The following DMD variants were observed in gnomAD, a reference collection of about 807,000 sequenced individuals.
DMD encodes the protein dystrophin, also known as mutant dystrophin.
Under a neutral mutation model 330.1 loss-of-function variants are expected in DMD, and 63 were observed. The observed-to-expected ratio is 0.19, with a 90% CI of 0.16 to 0.24. The LOEUF (loss-of-function observed/expected upper bound fraction) is 0.24. Ranked by LOEUF, DMD falls within the 10% of genes least tolerant of loss-of-function variation. The pLI, the probability that DMD is intolerant of heterozygous loss-of-function variation, is 1.00. For synonymous variants in DMD, 1,223 were observed against 959.8 expected (o/e 1.27, Z -5.07); for missense variants, 3,344 against 2,684.1 (o/e 1.25, Z -5.43).
At chrX:32,583,091 G>A (rs2053837483) in intron 13 of DMD, among the ~76,000 whole-genome samples, 1 of 111,969 alleles carries the variant, frequency 8.9e-6, no homozygotes, top group Admixed American at 9.5e-5. Flanking sequence ...TCTTTCAGTA[G>A]AAATGATTTC....
intron 5 of DMD, among the ~76,000 whole-genome samples, chrX:32,817,385 C>T (rs1281568855): frequency 1.8e-5 from 2 of 111,913 alleles, no homozygotes; most frequent in Admixed American, 9.5e-5. Context: ...TCATAGGCTT[C>T]GTGCATGTGC....
chrX:31,315,508 G>A (rs138922202), intron 62 of DMD, among the ~76,000 whole-genome samples: 1,196 of 112,331 alleles, frequency 0.011, 7 homozygotes, highest in South Asian at 0.025. Context: ...ATGTAAGAAA[G>A]TGCATGTTTA....
chrX:31,316,524 G>T (rs529283655), intron 62 of DMD, among the ~76,000 whole-genome samples: 1 of 111,507 alleles, frequency 9.0e-6, no homozygotes, highest in Middle Eastern at 4.7e-3. Flanking sequence ...ATGAGACACA[G>T]ATGATATCAA....
chrX:33,029,497 G>T (rs750446285), intron 1 of DMD, among the ~76,000 whole-genome samples: 1 of 111,565 alleles, frequency 9.0e-6, no homozygotes, highest in African/African-American at 3.3e-5. Flanking sequence ...TCTCAGGTAG[G>T]TCAATTGCTT....
chrX:33,174,933 G>A (rs930369823), intron 1 of DMD, among the ~76,000 whole-genome samples: 1 of 112,010 alleles, frequency 8.9e-6, no homozygotes, highest in African/African-American at 3.2e-5. Context: ...TAACGTATGA[G>A]TGTAGATGTC....
intron 7 of DMD, among the ~76,000 whole-genome samples, chrX:32,717,194 G>C (rs928760707): frequency 5.4e-5 from 6 of 111,430 alleles, no homozygotes; most frequent in African/African-American, 2.0e-4. Context: ...ATGCCCAAAG[G>C]CATTTCAGAA....
chrX:31,226,232 T>A (rs753597322), intron 63 of DMD, among the ~76,000 whole-genome samples: 4 of 112,115 alleles, frequency 3.6e-5, no homozygotes, highest in Non-Finnish European at 7.5e-5. Context: ...TTTAATAAAG[T>A]TTCTTGTTCC....
intron 55 of DMD, among the ~76,000 whole-genome samples, chrX:31,574,304 C>T (rs1426917382): frequency 2.8e-5 from 3 of 108,433 alleles, no homozygotes; most frequent in Non-Finnish European, 5.7e-5. Flanking sequence ...CCACAACACC[C>T]GGCTGATTTT....
intron 44 of DMD, among the ~76,000 whole-genome samples, chrX:32,065,898 A>G (rs138552961): frequency 0.032 from 3,592 of 111,633 alleles, 65 homozygotes; most frequent in Non-Finnish European, 0.046. Flanking sequence ...CATGTTTTCA[A>G]TAACAAATTT....
chrX:32,462,516 G>A (rs958978694), intron 25 of DMD, among the ~76,000 whole-genome samples: 2 of 110,440 alleles, frequency 1.8e-5, no homozygotes, highest in Non-Finnish European at 1.9e-5. Context: ...ATCCGTAATT[G>A]AATATTTAAA....
chrX:32,627,631 C>A (rs1472330976), intron 11 of DMD, among the ~76,000 whole-genome samples: 2 of 110,529 alleles, frequency 1.8e-5, no homozygotes, highest in Middle Eastern at 4.3e-3. Flanking sequence ...GGCTCCGGGG[C>A]CTGCTTCACA....
intron 9 of DMD, among the ~76,000 whole-genome samples, chrX:32,657,406 G>A (rs924225324): frequency 8.9e-6 from 1 of 112,004 alleles, no homozygotes; most frequent in African/African-American, 3.2e-5. Flanking sequence ...TTTATTAGAT[G>A]GCACATGAAA....
intron 1 of DMD, among the ~76,000 whole-genome samples, chrX:33,281,316 C>T (rs1026743579): frequency 9.1e-6 from 1 of 109,376 alleles, no homozygotes; most frequent in African/African-American, 3.3e-5. Flanking sequence ...TCAAGAGACC[C>T]TCATGCCTCA....
intron 62 of DMD, among the ~76,000 whole-genome samples, chrX:31,320,810 T>C (rs1298371880): frequency 8.9e-6 from 1 of 112,220 alleles, no homozygotes; most frequent in Non-Finnish European, 1.9e-5. Context: ...GAGATTATAA[T>C]TGTAGAGAGA....
At chrX:32,925,168 TTTTTTTAG>T (rs2088875801) in intron 2 of DMD, among the ~76,000 whole-genome samples, 1 of 98,683 alleles carries the variant, frequency 1.0e-5, no homozygotes, top group African/African-American at 3.9e-5. Context: ...TTTTTTTTTT[TTTTTTTAG>T]AAAAATAATT....
rs189280132 is a variant in DMD at position 33,010,308 on chromosome X, A to G, written c.93+9831T>C. ...TATGTGTGTAAATATGTATATATGT[A>G]CATATATGTGTATAAATATGTATAT... is the stretch of plus-strand genomic sequence containing the variant. On this transcript the variant is annotated intron_variant, in intron 2 of 78. Transcript: ENST00000357033. Among the ~76,000 whole-genome samples, 881 of 107,361 alleles carry G rather than the reference A, an allele frequency of 8.2e-3. 12 individuals are homozygous for G. Among genetic ancestry groups the G allele is most frequent in the African/African-American group, 0.028 (826 of 29,522 alleles). The allele number at this position is 107,361 out of a possible 115,157, so 93.2% of individuals were successfully genotyped here. A position where few individuals can be genotyped will look rare whatever the true frequency, so the allele number is the denominator to read the frequency against.
intron 47 of DMD, among the ~76,000 whole-genome samples, chrX:31,881,278 C>T (rs1296152090): frequency 9.1e-5 from 10 of 109,561 alleles, no homozygotes; most frequent in East Asian, 5.7e-4. Context: ...ATGGGCCAGG[C>T]GCGGTGGCTC....
intron 41 of DMD, among the ~76,000 whole-genome samples, chrX:32,319,393 C>T (rs1408115491): frequency 9.0e-6 from 1 of 111,197 alleles, no homozygotes; most frequent in African/African-American, 3.3e-5. Flanking sequence ...ACCTAGCATA[C>T]AGTATGTTAT....
At chrX:32,952,990 T>C (rs1426417345) in intron 2 of DMD, among the ~76,000 whole-genome samples, 2 of 108,794 alleles carry the variant, frequency 1.8e-5, no homozygotes, top group Non-Finnish European at 3.8e-5. Context: ...CAAAAAATAG[T>C]TGGGTGGCTT....
Sources: gnomAD v4.1 joint callset for allele counts (sites outside exome capture counted in the v4.1 genomes callset) on GRCh38, gnomAD v4.1.1 for gene constraint, MANE v1.5 for transcripts, NCBI Gene and HGNC (gene_info 2026-07-23, HGNC 2026-07-21) for gene names.